The following DYNC2H1 variants were observed in gnomAD, a reference collection of about 807,000 sequenced individuals.
DYNC2H1 encodes the protein dynein cytoplasmic 2 heavy chain 1.
A neutral mutation model predicts 570.0 loss-of-function variants in DYNC2H1; 410 were observed. That is an observed-to-expected ratio of 0.72 (90% CI 0.66 to 0.78). The LOEUF is 0.78. DYNC2H1 is among the 30% of genes least tolerant of loss of function. The pLI, the probability that DYNC2H1 is intolerant of heterozygous loss-of-function variation, is 0.00. For synonymous variants in DYNC2H1, 1,688 were observed against 1,677.6 expected (o/e 1.01, Z -0.15); for missense variants, 4,865 against 5,046.4 (o/e 0.96, Z 1.09).
chr11:103,178,927 A>G (rs1275129958), intron 38 of DYNC2H1, 99 bp from the exon 39 acceptor site: 5 of 1,227,010 alleles, frequency 4.1e-6, no homozygotes, highest in Non-Finnish European at 4.5e-6. Context: ...TTTGTAGTAC[A>G]AATTCATATG....
chr11:103,321,229 A>G lies in DYNC2H1; in HGVS notation c.11926A>G (p.Ser3976Gly), dbSNP rs1257316015. The change falls in exon 81 of 89, where the codon AGC (serine) becomes GGC (glycine). Residue 3976 changes from serine (S) to glycine (G), a missense_variant. Around this residue, in one of 5 missense-constraint regions of DYNC2H1, gnomAD observed 2,401 missense variants for 2,454.6 expected, o/e 0.98. Coordinates refer to ENST00000375735, the MANE Select transcript of DYNC2H1 (RefSeq NM_001377.3). Reference protein sequence around the residue: ...PYSVSLPQSCSILDYRAVIEK... With the variant: ...PYSVSLPQSCGILDYRAVIEK... Reference sequence around the variant, plus strand: ...TTCCGTATCTCTACCACAATCCTGCAGCATTTTGGTAGGTAAAATGAATGA... The same window carrying G: ...TTCCGTATCTCTACCACAATCCTGCGGCATTTTGGTAGGTAAAATGAATGA... 6.2e-7 allele frequency: 1 copy of G among 1,606,036 alleles called. No individual in the cohort carries two copies. Among genetic ancestry groups the G allele is most frequent in the Admixed American group, 1.7e-5 (1 of 58,994 alleles).
chr11:103,281,716 C>CA (rs71066145), intron 71 of DYNC2H1, among the ~76,000 whole-genome samples: 2,263 of 129,062 alleles, frequency 0.018, 33 homozygotes, highest in Middle Eastern at 0.11. Context: ...AATTCTATGG[C>CA]AAAAAAAAAA....
rs918479958 is a variant in DYNC2H1, at chr11:103,334,626, G to A, written c.12039+10636G>A. On this transcript the variant is annotated intron_variant, in intron 82 of 88. Transcript: ENST00000375735. The surrounding 1 kb of genome is among the most constrained non-coding windows in gnomAD (Gnocchi z 4.3). Reference sequence around the variant, plus strand: ...ATCAATATAAATAACATATAAATACGTGTCTTAAATTTGAAGATTTTGATA... The same window carrying A: ...ATCAATATAAATAACATATAAATACATGTCTTAAATTTGAAGATTTTGATA... Among the ~76,000 whole-genome samples the A allele has an allele frequency of 3.9e-5, 6 of 151,970 alleles. No homozygotes were observed. The highest frequency in any genetic ancestry group is 2.1e-4 in the South Asian group (1 of 4,822).
chr11:103,397,311 T>TA (rs545875421), intron 83 of DYNC2H1, among the ~76,000 whole-genome samples: 49 of 150,438 alleles, frequency 3.3e-4, no homozygotes, highest in Non-Finnish European at 4.0e-4. Context: ...ATTTACTCAA[T>TA]AAAAAAAAAA....
At chr11:103,221,285 G>T (rs1215002994) in intron 57 of DYNC2H1, among the ~76,000 whole-genome samples, 1 of 152,174 alleles carries the variant, frequency 6.6e-6, no homozygotes, top group African/African-American at 2.4e-5. Flanking sequence ...TAATAGTTGT[G>T]TTATGGTTTG....
chr11:103,344,654 C>G (rs1939645261), intron 82 of DYNC2H1, among the ~76,000 whole-genome samples: 1 of 152,144 alleles, frequency 6.6e-6, no homozygotes, highest in African/African-American at 2.4e-5. Context: ...TAGCAACCTC[C>G]CCCAACACTT....
At chr11:103,231,210 A>G (rs367606372) in intron 59 of DYNC2H1, 50 bp from the exon 60 acceptor site, 1,118 of 1,153,922 alleles carry the variant, frequency 9.7e-4, no homozygotes, top group Non-Finnish European at 1.3e-3. Context: ...GCTGCTTTAT[A>G]GTTGATATCT....
At chr11:103,211,686 C>T (rs1027438484) in intron 53 of DYNC2H1, 103 bp from the exon 54 acceptor site, 11 of 488,756 alleles carry the variant, frequency 2.3e-5, no homozygotes, top group African/African-American at 2.2e-4. Context: ...AACTATATAG[C>T]ATGGAAGTAT....
chr11:103,116,038 A>C (rs1233718770), intron 4 of DYNC2H1, among the ~76,000 whole-genome samples: 2 of 151,986 alleles, frequency 1.3e-5, no homozygotes, highest in African/African-American at 4.8e-5. Context: ...TAAAAAGTCT[A>C]CTCTTTTCAA....
chr11:103,422,034 C>T (rs564983571), intron 84 of DYNC2H1, among the ~76,000 whole-genome samples: 1 of 151,996 alleles, frequency 6.6e-6, no homozygotes, highest in Admixed American at 6.6e-5. Context: ...CAGAAAAACA[C>T]AAACAACTAT....
chr11:103,402,064 A>C (rs2135654609), intron 84 of DYNC2H1: 1 of 152,246 alleles, frequency 6.6e-6, no homozygotes, highest in East Asian at 1.9e-4. Context: ...GATTTATAGG[A>C]GGGTGAAGTA....
chr11:103,171,404 C>T lies in DYNC2H1; in HGVS notation c.5334+336C>T, dbSNP rs558341035. ...CTGAATAGCTGGGATTACAGGTGCC[C>T]GCCACCACGCCCAGCTAATTTTTGT... On this transcript the variant is annotated intron_variant, in intron 34 of 88. Transcript: ENST00000375735. 7.2e-5 allele frequency among the ~76,000 whole-genome samples: 11 copies of T among 151,812 alleles called. No homozygotes were observed. In the South Asian group the frequency reaches 1.0e-3, roughly 14 times the overall value.
intron 85 of DYNC2H1, 104 bp downstream of exon 85, chr11:103,436,136 G>A (rs1944051736): frequency 7.7e-6 from 7 of 903,304 alleles, no homozygotes; most frequent in Non-Finnish European, 8.1e-6. Context: ...CTATGATTTT[G>A]CACATAAAAC....
rs1424191833 is a variant in DYNC2H1 at position 103,252,545 on chromosome 11, G to A, written c.10043-740G>A. Among the ~76,000 whole-genome samples, 3 of 152,044 alleles carry A rather than the reference G, an allele frequency of 2.0e-5. No homozygotes were observed. The highest frequency in any genetic ancestry group is 4.4e-5 in the Non-Finnish European group (3 of 68,016). On this transcript the variant is annotated intron_variant, in intron 65 of 88. Coordinates refer to ENST00000375735, the MANE Select transcript of DYNC2H1 (RefSeq NM_001377.3). This position sits in a 1 kb window ranked among gnomAD's most constrained non-coding sequence, Gnocchi z 4.6. ...TTTTTGATAATACCCATCCTAACAG[G>A]TGTGAGTTGATATCTAATAGTGGTT... is the stretch of plus-strand genomic sequence containing the variant.
At position 103,371,931 on chromosome 11, in the gene DYNC2H1, T is replaced by G. The variant is rs1247330416; in HGVS notation, c.12156+13572T>G. ...GTTTCTTCCTTTCCCATTTGGGTTTTTTTTTTTTTTTTTTTTTTTTTGTCT... is the reference window on the plus strand; with the variant it reads ...GTTTCTTCCTTTCCCATTTGGGTTTGTTTTTTTTTTTTTTTTTTTTTGTCT... On this transcript the variant is annotated intron_variant, in intron 83 of 88. Coordinates refer to ENST00000375735, the MANE Select transcript of DYNC2H1 (RefSeq NM_001377.3). 5.2e-4 allele frequency among the ~76,000 whole-genome samples: 32 copies of G among 61,782 alleles called. No homozygotes were observed. In the East Asian group the frequency reaches 8.6e-3, roughly 17 times the overall value. The allele number at this position is 61,782 out of a possible 152,430, so 40.5% of individuals were successfully genotyped here.
intron 88 of DYNC2H1, among the ~76,000 whole-genome samples, chr11:103,471,094 T>G (rs934256047): frequency 2.6e-5 from 4 of 152,234 alleles, no homozygotes; most frequent in African/African-American, 4.8e-5. Context: ...CCTGACTTTT[T>G]AATGATCGCC....
At chr11:103,221,233 A>G (rs966178055) in intron 57 of DYNC2H1, among the ~76,000 whole-genome samples, 5 of 152,186 alleles carry the variant, frequency 3.3e-5, no homozygotes, top group South Asian at 4.1e-4. Context: ...AGAATAAGGT[A>G]TTAACAAAAT....
chr11:103,335,084 C>A (rs1939044803), intron 82 of DYNC2H1, among the ~76,000 whole-genome samples: 1 of 151,946 alleles, frequency 6.6e-6, no homozygotes, highest in Non-Finnish European at 1.5e-5. Flanking sequence ...AAAATGACTT[C>A]AAGAGGTATT....
At chr11:103,361,354 G>C (rs1409488056) in intron 83 of DYNC2H1, among the ~76,000 whole-genome samples, 1 of 152,176 alleles carries the variant, frequency 6.6e-6, no homozygotes, top group African/African-American at 2.4e-5. Context: ...GGAAGCAGGT[G>C]CTCACCAAAT....
Sources: gnomAD v4.1 joint callset for allele counts (sites outside exome capture counted in the v4.1 genomes callset) on GRCh38, gnomAD v4.1.1 for gene constraint, gnomAD v4.1.1 regional missense constraint, Gnocchi (gnomAD v3.1) non-coding constraint, MANE v1.5 for transcripts, NCBI Gene and HGNC (gene_info 2026-07-23, HGNC 2026-07-21) for gene names.